LRP5: variants seen among roughly 807,000 people sequenced by gnomAD.
LRP5 encodes the protein LDL receptor related protein 5, also known as low-density lipoprotein receptor-related protein 5.
A neutral mutation model predicts 154.1 loss-of-function variants in LRP5; 62 were observed. The ratio of observed to expected loss-of-function variants is 0.40; its 90% CI spans 0.33 to 0.50. The LOEUF (loss-of-function observed/expected upper bound fraction) is 0.50. LRP5 is among the 20% of genes least tolerant of loss of function. LRP5 has a pLI of 0.55. For missense variants in LRP5, 1,915 were observed against 2,336.7 expected (o/e 0.82, Z 3.72); for synonymous variants, 966 against 1,011.5 (o/e 0.96, Z 0.85).
At chr11:68,300,183 T>C in the LRP5 span, among the ~76,000 whole-genome samples, 6 of 149,422 alleles carry the variant, frequency 4.0e-5, no homozygotes, top group South Asian at 1.3e-3. Context: ...TGAGCCACCG[T>C]GCCTGGCCAG....
At chr11:68,343,615 G>C (rs1274792374) in intron 1 of LRP5, among the ~76,000 whole-genome samples, 1 of 152,184 alleles carries the variant, frequency 6.6e-6, no homozygotes, top group Admixed American at 6.5e-5. Context: ...CACACCGTGT[G>C]GGGGCTGCCT....
intron 2 of LRP5, among the ~76,000 whole-genome samples, chr11:68,355,590 C>CT (rs549322326): frequency 3.9e-5 from 6 of 152,196 alleles, no homozygotes; most frequent in Non-Finnish European, 8.8e-5. Flanking sequence ...GGCACACACC[C>CT]TGTGGTCACC....
intron 1 of LRP5, among the ~76,000 whole-genome samples, chr11:68,318,779 G>A (rs1325457379): frequency 2.6e-5 from 4 of 152,188 alleles, no homozygotes; most frequent in Admixed American, 6.5e-5. Context: ...TGGTGGGGGC[G>A]GCACAGGCTC....
chr11:68,408,388 A>T (rs948361237), intron 9 of LRP5, among the ~76,000 whole-genome samples: 1 of 150,914 alleles, frequency 6.6e-6, no homozygotes, highest in African/African-American at 2.4e-5. Context: ...AGCCTATTCT[A>T]CTGTTTGTAT....
At chr11:68,333,706 A>G (rs1490830400) in intron 1 of LRP5, among the ~76,000 whole-genome samples, 1 of 152,208 alleles carries the variant, frequency 6.6e-6, no homozygotes, top group Non-Finnish European at 1.5e-5. Flanking sequence ...TTTGAATTTT[A>G]TATAAAGTAT....
chr11:68,341,059 C>CTTTTTTTTTT (rs576462333), intron 1 of LRP5, among the ~76,000 whole-genome samples: 1,509 of 83,314 alleles, frequency 0.018, 194 homozygotes, highest in African/African-American at 0.07. Flanking sequence ...GGAGATTGTT[C>CTTTTTTTTTT]TTTTTTTTTT....
chr11:68,308,100 T>C (rs2098585027), upstream of LRP5, among the ~76,000 whole-genome samples: 1 of 152,198 alleles, frequency 6.6e-6, no homozygotes, highest in Non-Finnish European at 1.5e-5. Flanking sequence ...CTGAGAAGCA[T>C]TGCCTGTTTT....
chr11:68,411,367 C>G (rs1010402264), intron 10 of LRP5, 69 bp from the exon 11 acceptor site: 30 of 1,546,190 alleles, frequency 1.9e-5, no homozygotes, highest in Non-Finnish European at 2.5e-5. Context: ...AGTTGCGTCC[C>G]CCCGCCACCC....
intron 2 of LRP5, among the ~76,000 whole-genome samples, chr11:68,352,539 G>A (rs2098619572): frequency 6.6e-6 from 1 of 152,236 alleles, no homozygotes; most frequent in Non-Finnish European, 1.5e-5. Context: ...AGGTTGGGAG[G>A]TGATCAGTCG....
At chr11:68,377,386 T>C (rs779382335) in intron 5 of LRP5, among the ~76,000 whole-genome samples, 1 of 152,026 alleles carries the variant, frequency 6.6e-6, no homozygotes, top group African/African-American at 2.4e-5. Flanking sequence ...TGGAGGGCCA[T>C]AGCCTCTCTG....
intron 5 of LRP5, among the ~76,000 whole-genome samples, chr11:68,381,128 C>T (rs1591255203): frequency 6.6e-6 from 1 of 152,206 alleles, no homozygotes; most frequent in East Asian, 1.9e-4. Flanking sequence ...AGTGCGATGG[C>T]GGCCACAAGC....
the LRP5 span, among the ~76,000 whole-genome samples, chr11:68,303,104 CT>C: frequency 6.6e-6 from 1 of 152,138 alleles, no homozygotes. Context: ...AAAGATGCAG[CT>C]TTAAATAAAC....
chr11:68,301,606 C>T, the LRP5 span, among the ~76,000 whole-genome samples: 4 of 148,678 alleles, frequency 2.7e-5, no homozygotes, highest in Non-Finnish European at 6.1e-5. Flanking sequence ...CTGCAAAATA[C>T]TAACAATTCT....
At chr11:68,403,286 A>T (rs1182567776) in intron 7 of LRP5, among the ~76,000 whole-genome samples, 197 bp from the exon 8 acceptor site, 2 of 152,038 alleles carry the variant, frequency 1.3e-5, no homozygotes, top group Non-Finnish European at 2.9e-5. Context: ...AAACAAACAA[A>T]GCGTCATTTA....
At chr11:68,384,527 C>G (rs1272507266) in intron 5 of LRP5, among the ~76,000 whole-genome samples, 3 of 152,156 alleles carry the variant, frequency 2.0e-5, no homozygotes, top group African/African-American at 7.2e-5. Context: ...GATGCCCTAA[C>G]CTGGGGAGGG....
At chr11:68,387,698 A>C (rs1187027604) in intron 6 of LRP5, among the ~76,000 whole-genome samples, 1 of 152,234 alleles carries the variant, frequency 6.6e-6, no homozygotes, top group African/African-American at 2.4e-5. Context: ...CTGGGGGCTC[A>C]TAACCCAGAA....
At chr11:68,409,073 A>AAAAAAAATATATATATAT (rs2098657548) in intron 9 of LRP5, among the ~76,000 whole-genome samples, 1 of 44,188 alleles carries the variant, frequency 2.3e-5, no homozygotes, top group African/African-American at 1.3e-4. Flanking sequence ...AAAAAAAAAA[A>AAAAAAAATATATATATAT]ATATATATAT....
At chr11:68,351,782 A>G (rs1338124521) in intron 2 of LRP5, among the ~76,000 whole-genome samples, 1 of 152,144 alleles carries the variant, frequency 6.6e-6, no homozygotes, top group Non-Finnish European at 1.5e-5. Flanking sequence ...GGGATAAAGC[A>G]GTGCTTGGGT....
chr11:68,381,434 G>A (rs2098640195), intron 5 of LRP5, among the ~76,000 whole-genome samples: 1 of 152,108 alleles, frequency 6.6e-6, no homozygotes, highest in Non-Finnish European at 1.5e-5. Flanking sequence ...CATCCCTTGG[G>A]ATGGCTTTTT....
Sources: gnomAD v4.1 joint callset for allele counts (sites outside exome capture counted in the v4.1 genomes callset) on GRCh38, gnomAD v4.1.1 for gene constraint, MANE v1.5 for transcripts, NCBI Gene and HGNC (gene_info 2026-07-23, HGNC 2026-07-21) for gene names.